Variants in NKAIN2 observed in about 807,000 individuals in gnomAD.
The protein encoded by NKAIN2 is sodium/potassium transporting ATPase interacting 2.
NKAIN2 carries 14 observed loss-of-function variants against 32.6 expected under a neutral mutation model. The ratio of observed to expected loss-of-function variants is 0.43; its 90% CI spans 0.28 to 0.67. NKAIN2 has a LOEUF of 0.67. Ranked by LOEUF, NKAIN2 falls within the 30% of genes least tolerant of loss-of-function variation. The probability of loss-of-function intolerance (pLI) is 0.17; values close to 1 mark genes in which losing one functional copy is unlikely to be tolerated. For synonymous variants in NKAIN2, 80 were observed against 87.2 expected, an observed-to-expected ratio of 0.92 and a Z score of 0.46; for missense variants, 198 against 258.3, an observed-to-expected ratio of 0.77 and a Z score of 1.60.
intron 3 of NKAIN2, among the ~76,000 whole-genome samples, chr6:124,400,841 A>G (rs1324371363): frequency 6.6e-6 from 1 of 152,152 alleles, no homozygotes; most frequent in East Asian, 1.9e-4. Context: ...CACTCTCCTA[A>G]TCAGTACACT....
intron 1 of NKAIN2, among the ~76,000 whole-genome samples, chr6:123,907,966 A>G (rs1175422275): frequency 6.6e-6 from 1 of 152,186 alleles, no homozygotes; most frequent in Non-Finnish European, 1.5e-5. Flanking sequence ...TACTCAGACC[A>G]AATTTATGCC....
At chr6:123,888,213 T>A (rs11154195) in intron 1 of NKAIN2, among the ~76,000 whole-genome samples, 51,476 of 151,930 alleles carry the variant, frequency 0.34, 9,456 homozygotes, top group East Asian at 0.6. Flanking sequence ...TGCTTTAATA[T>A]TACTAATTTA....
chr6:124,419,529 C>T (rs116200598), intron 3 of NKAIN2, among the ~76,000 whole-genome samples: 1,799 of 152,192 alleles, frequency 0.012, 27 homozygotes, highest in African/African-American at 0.041. Flanking sequence ...CTGCTGAATT[C>T]CAAATTTCAC....
At chr6:124,552,328 G>A (rs1018505674) in intron 3 of NKAIN2, among the ~76,000 whole-genome samples, 4 of 152,216 alleles carry the variant, frequency 2.6e-5, no homozygotes, top group Non-Finnish European at 4.4e-5. Flanking sequence ...AAGTCTGGCC[G>A]ATGCTGGACA....
At chr6:124,638,850 C>A (rs1783874787) in intron 3 of NKAIN2, among the ~76,000 whole-genome samples, 1 of 137,596 alleles carries the variant, frequency 7.3e-6, no homozygotes, top group South Asian at 2.2e-4. Context: ...GAGATTGCAC[C>A]ACTGCACTCC....
At chr6:124,784,889 T>C (rs1779431194) in intron 4 of NKAIN2, among the ~76,000 whole-genome samples, 1 of 152,114 alleles carries the variant, frequency 6.6e-6, no homozygotes, top group South Asian at 2.1e-4. Flanking sequence ...TTTCCTAAGT[T>C]TGATTGTCAT....
intron 1 of NKAIN2, among the ~76,000 whole-genome samples, chr6:123,891,222 A>G (rs747428134): frequency 2.7e-4 from 41 of 152,186 alleles, no homozygotes; most frequent in Admixed American, 8.5e-4. Flanking sequence ...TAATGGGTAC[A>G]GAGTTTCTCC....
intron 1 of NKAIN2, among the ~76,000 whole-genome samples, chr6:123,944,237 C>T (rs148296390): frequency 2.6e-4 from 39 of 152,200 alleles, no homozygotes; most frequent in South Asian, 2.5e-3. Flanking sequence ...CATTCCAGTT[C>T]TGCCATCCCA....
chr6:124,279,430 C>G (rs541427721), intron 1 of NKAIN2, among the ~76,000 whole-genome samples: 2 of 149,998 alleles, frequency 1.3e-5, no homozygotes, highest in East Asian at 4.0e-4. Context: ...TGGCGTGAAC[C>G]TGGGAGGCAG....
chr6:123,972,526 C>T (rs1387855448), intron 1 of NKAIN2, among the ~76,000 whole-genome samples: 1 of 152,116 alleles, frequency 6.6e-6, no homozygotes, highest in South Asian at 2.1e-4. Context: ...GTGTCTGAAA[C>T]ATGGATATAT....
At chr6:124,782,715 C>T (rs1054755336) in intron 4 of NKAIN2, among the ~76,000 whole-genome samples, 3 of 151,990 alleles carry the variant, frequency 2.0e-5, no homozygotes, top group African/African-American at 7.2e-5. Context: ...ACCATTTGCT[C>T]CCCAAAGAGC....
chr6:124,507,085 T>A (rs1562227303), intron 3 of NKAIN2, among the ~76,000 whole-genome samples: 1 of 152,200 alleles, frequency 6.6e-6, no homozygotes, highest in African/African-American at 2.4e-5. Context: ...AAATTTATAA[T>A]AACAAAGAAG....
chr6:124,543,505 G>A (rs543050467), intron 3 of NKAIN2, among the ~76,000 whole-genome samples: 131 of 152,054 alleles, frequency 8.6e-4, no homozygotes, highest in African/African-American at 3.0e-3. Flanking sequence ...TAATTCTTAC[G>A]GGGAAAATCT....
At chr6:124,361,062 A>C (rs529800461) in intron 3 of NKAIN2, among the ~76,000 whole-genome samples, 4 of 152,288 alleles carry the variant, frequency 2.6e-5, no homozygotes, top group Admixed American at 2.6e-4. Flanking sequence ...AACTGAGTTG[A>C]GGTATTTTCA....
chr6:123,986,466 G>T (rs6931081), intron 1 of NKAIN2, among the ~76,000 whole-genome samples: 105,491 of 151,518 alleles, frequency 0.7, 37,186 homozygotes, highest in East Asian at 0.86. Flanking sequence ...TCTGGTAAAT[G>T]ACTGTTGGTG....
chr6:124,558,498 G>T (rs1456732290), intron 3 of NKAIN2, among the ~76,000 whole-genome samples: 3 of 152,054 alleles, frequency 2.0e-5, no homozygotes, highest in African/African-American at 7.2e-5. Context: ...GGTTTACTTT[G>T]ATTGTAATTT....
chr6:124,787,688 T>G (rs1246193830), intron 4 of NKAIN2, among the ~76,000 whole-genome samples: 1 of 152,098 alleles, frequency 6.6e-6, no homozygotes, highest in East Asian at 1.9e-4. Flanking sequence ...TTTGGACCCA[T>G]GAAAAATGTT....
At chr6:124,767,597 C>T (rs1252059823) in intron 4 of NKAIN2, among the ~76,000 whole-genome samples, 1 of 151,988 alleles carries the variant, frequency 6.6e-6, no homozygotes, top group East Asian at 1.9e-4. Context: ...TTTTTTTTCT[C>T]CCTGGACATT....
At chr6:124,672,379 A>G (rs1403942663) in intron 4 of NKAIN2, among the ~76,000 whole-genome samples, 1 of 152,074 alleles carries the variant, frequency 6.6e-6, no homozygotes, top group Non-Finnish European at 1.5e-5. Context: ...ATTAAAAGGA[A>G]CTTACTGAAA....
Sources: gnomAD v4.1 joint callset for allele counts (sites outside exome capture counted in the v4.1 genomes callset) on GRCh38, gnomAD v4.1.1 for gene constraint, MANE v1.5 for transcripts, NCBI Gene and HGNC (gene_info 2026-07-23, HGNC 2026-07-21) for gene names.